KAZN: variants seen among roughly 807,000 people sequenced by gnomAD.
KAZN encodes the protein kazrin.
A neutral mutation model predicts 87.4 loss-of-function variants in KAZN; 40 were observed. The observed-to-expected ratio is 0.46, with a 90% confidence interval of 0.36 to 0.60. The LOEUF (loss-of-function observed/expected upper bound fraction) is 0.60, where lower values mean the gene tolerates loss of function less well. Among genes scored for constraint, KAZN ranks in the 20% least tolerant of loss-of-function variants. KAZN has a pLI of 0.00. For missense variants in KAZN, 898 were observed against 1,073.9 expected (o/e 0.84, Z 2.29); for synonymous variants, 466 against 458.3 (o/e 1.02, Z -0.22).
chr1:15,015,318 A>T (rs900583522), intron 2 of KAZN, among the ~76,000 whole-genome samples: 35 of 151,960 alleles, frequency 2.3e-4, no homozygotes, highest in African/African-American at 7.0e-4. Context: ...ACACCCAGCT[A>T]ATTTTTGTAT....
At chr1:13,959,710 C>G (rs1557747071) in intron 1 of KAZN, among the ~76,000 whole-genome samples, 1 of 152,112 alleles carries the variant, frequency 6.6e-6, no homozygotes, top group Admixed American at 6.5e-5. Flanking sequence ...CTCACCTGAC[C>G]AGGTGAGATG....
At chr1:15,105,399 T>A (rs994400383) in intron 13 of KAZN, among the ~76,000 whole-genome samples, 1 of 152,228 alleles carries the variant, frequency 6.6e-6, no homozygotes, top group African/African-American at 2.4e-5. Flanking sequence ...GTAGCTTATA[T>A]CTTTCTAGGA....
At chr1:14,788,265 C>T (rs1645570358) in intron 1 of KAZN, among the ~76,000 whole-genome samples, 2 of 152,190 alleles carry the variant, frequency 1.3e-5, no homozygotes, top group South Asian at 2.1e-4. Flanking sequence ...CTCCAGCCTG[C>T]AAGCTCATTC....
At chr1:14,262,231 T>A (rs982657674) in intron 2 of KAZN, among the ~76,000 whole-genome samples, 1 of 152,100 alleles carries the variant, frequency 6.6e-6, no homozygotes, top group African/African-American at 2.4e-5. Context: ...CCTAGCAATA[T>A]AACAAGACTC....
Position 14,949,883 on chromosome 1 carries a change from G to A in KAZN, c.227-10801G>A, listed in dbSNP as rs1017009630. Among the ~76,000 whole-genome samples, 4 of 152,048 alleles carry A rather than the reference G, an allele frequency of 2.6e-5. No homozygotes were observed. Among genetic ancestry groups the A allele is most frequent in the East Asian group, 1.9e-4 (1 of 5,168 alleles). On this transcript the variant is annotated intron_variant, in intron 1 of 14. Coordinates refer to ENST00000376030, the MANE Select transcript of KAZN (RefSeq NM_201628.3). This position sits in a 1 kb window ranked among gnomAD's most constrained non-coding sequence, Gnocchi z 4.3. Reference sequence around the variant, plus strand: ...GCCCATCTCCCCATGGGAACTCTGGGCAGCAAGATGGTAGAAGAGGATCCG... The same window carrying A: ...GCCCATCTCCCCATGGGAACTCTGGACAGCAAGATGGTAGAAGAGGATCCG...
chr1:14,228,033 C>T (rs1647452183), intron 2 of KAZN, among the ~76,000 whole-genome samples: 1 of 152,188 alleles, frequency 6.6e-6, no homozygotes, highest in Non-Finnish European at 1.5e-5. Flanking sequence ...ATTTATCTCT[C>T]ATCTGTAGAC....
chr1:14,762,710 GCA>G (rs1644775027), intron 1 of KAZN, among the ~76,000 whole-genome samples: 1 of 151,118 alleles, frequency 6.6e-6, no homozygotes. Context: ...GGGTGACAGA[GCA>G]AGACTCTGTC....
chr1:15,036,954 C>A (rs140321730), intron 3 of KAZN, among the ~76,000 whole-genome samples: 1 of 152,258 alleles, frequency 6.6e-6, no homozygotes, highest in African/African-American at 2.4e-5. Flanking sequence ...GTCATGCAGC[C>A]GGCGATGGCA....
At chr1:15,112,644 G>A in intron 14 of KAZN, 103 bp downstream of exon 14, 1 of 757,860 alleles carries the variant, frequency 1.3e-6, no homozygotes. Flanking sequence ...CTGTGAAGGT[G>A]GAGTGCCAGG....
intron 1 of KAZN, among the ~76,000 whole-genome samples, chr1:14,779,142 C>T (rs906608134): frequency 1.3e-5 from 2 of 152,210 alleles, no homozygotes; most frequent in African/African-American, 4.8e-5. Context: ...CCACCCAAAT[C>T]CAAGGTCAGG....
intron 1 of KAZN, among the ~76,000 whole-genome samples, chr1:13,962,370 G>T (rs1425628801): frequency 1.3e-5 from 2 of 151,750 alleles, no homozygotes; most frequent in South Asian, 2.1e-4. Flanking sequence ...TGAGGATGAA[G>T]GCAACACCTT....
At chr1:13,941,760 TCAC>T (rs1167886361) in intron 1 of KAZN, among the ~76,000 whole-genome samples, 1 of 151,998 alleles carries the variant, frequency 6.6e-6, no homozygotes, top group South Asian at 2.1e-4. Flanking sequence ...CCTACCACCA[TCAC>T]CACCACCACC....
intron 2 of KAZN, among the ~76,000 whole-genome samples, chr1:14,368,057 G>A (rs1256815313): frequency 1.3e-5 from 2 of 152,172 alleles, no homozygotes; most frequent in Admixed American, 6.5e-5. Context: ...CGAACGTGGG[G>A]TTTGCCAACC....
chr1:14,215,720 G>A (rs1307896235), intron 2 of KAZN, among the ~76,000 whole-genome samples: 1 of 152,100 alleles, frequency 6.6e-6, no homozygotes, highest in Non-Finnish European at 1.5e-5. Flanking sequence ...GCTTATTCAA[G>A]CCCATGCAAA....
At chr1:14,966,247 T>A (rs962312524) in intron 2 of KAZN, among the ~76,000 whole-genome samples, 6 of 152,230 alleles carry the variant, frequency 3.9e-5, no homozygotes, top group Non-Finnish European at 8.8e-5. Flanking sequence ...CCCAAAGTGC[T>A]GGGATTACAG....
intron 2 of KAZN, among the ~76,000 whole-genome samples, chr1:14,507,691 C>T (rs559424574): frequency 6.6e-6 from 1 of 152,244 alleles, no homozygotes; most frequent in South Asian, 2.1e-4. Flanking sequence ...AATTGAAAGC[C>T]TTGGGGCAAT....
At chr1:14,626,836 G>A (rs1050823499) in intron 1 of KAZN, among the ~76,000 whole-genome samples, 1 of 152,118 alleles carries the variant, frequency 6.6e-6, no homozygotes, top group African/African-American at 2.4e-5. Context: ...GGTTGTTCAT[G>A]CTGCTTGCGG....
chr1:14,689,144 G>A (rs554974697), intron 1 of KAZN, among the ~76,000 whole-genome samples: 1 of 152,136 alleles, frequency 6.6e-6, no homozygotes, highest in Non-Finnish European at 1.5e-5. Context: ...GCAGTGAGCC[G>A]AGATCGTGCC....
intron 1 of KAZN, among the ~76,000 whole-genome samples, chr1:14,919,124 C>A (rs1658218188): frequency 6.6e-6 from 1 of 152,178 alleles, no homozygotes; most frequent in Non-Finnish European, 1.5e-5. Context: ...CTCACACCCG[C>A]AAAGCCAGCC....
Sources: allele counts gnomAD v4.1 joint callset (sites outside exome capture counted in the v4.1 genomes callset), GRCh38; gene constraint gnomAD v4.1.1; non-coding constraint Gnocchi (gnomAD v3.1); transcripts MANE v1.5; gene names NCBI Gene and HGNC (gene_info 2026-07-23, HGNC 2026-07-21).